The following TLK1 variants were observed in gnomAD, a reference collection of about 807,000 sequenced individuals.
TLK1 encodes tousled like kinase 1.
In TLK1, 24 loss-of-function variants were observed where a neutral mutation model predicts 105.3. That is an observed-to-expected ratio of 0.23 (90% CI 0.17 to 0.32). The LOEUF (loss-of-function observed/expected upper bound fraction) is 0.32, where lower values mean the gene tolerates loss of function less well. Ranked by LOEUF, TLK1 falls within the 10% of genes least tolerant of loss-of-function variation. TLK1 has a pLI of 1.00. For missense variants in TLK1, 558 were observed against 910.5 expected (o/e 0.61, Z 4.98); for synonymous variants, 321 against 310.4 (o/e 1.03, Z -0.36).
chr2:171,178,241 G>T (rs949923119), intron 1 of TLK1, among the ~76,000 whole-genome samples: 1 of 152,126 alleles, frequency 6.6e-6, no homozygotes, highest in African/African-American at 2.4e-5. Context: ...AGGTTTAGAG[G>T]GATTAGGGAG....
In TLK1 at chr2:171,010,231, G is replaced by A. The variant is rs116612679; in HGVS notation, c.1416+1142C>T. 7.9e-5 allele frequency among the ~76,000 whole-genome samples: 12 copies of A among 152,198 alleles called. No homozygotes were observed. In the South Asian group the frequency reaches 1.5e-3, roughly 18 times the overall value. ...AGGGGCTTATAATATGTGAGGGGAGGGGAACAAAGGGAAAGGAAGAGCATA... is the reference window on the plus strand; with the variant it reads ...AGGGGCTTATAATATGTGAGGGGAGAGGAACAAAGGGAAAGGAAGAGCATA... On this transcript the variant is annotated intron_variant, in intron 14 of 20. Transcript: ENST00000431350.
intron 1 of TLK1, among the ~76,000 whole-genome samples, chr2:171,184,442 A>G (rs1692985790): frequency 1.3e-5 from 2 of 152,142 alleles, no homozygotes; most frequent in South Asian, 4.1e-4. Flanking sequence ...CGGGAGTTTG[A>G]GACCAGCCTG....
chr2:171,024,238 A>G (rs1160478013), intron 12 of TLK1, among the ~76,000 whole-genome samples: 1 of 152,154 alleles, frequency 6.6e-6, no homozygotes, highest in East Asian at 1.9e-4. Flanking sequence ...CTTAAGATAT[A>G]TTTTAAAATT....
chr2:171,104,205 G>A (rs1689817487), intron 2 of TLK1, among the ~76,000 whole-genome samples: 1 of 151,858 alleles, frequency 6.6e-6, no homozygotes, highest in African/African-American at 2.4e-5. Flanking sequence ...GAACCTGGGA[G>A]GCAGAGGTTG....
intron 13 of TLK1, among the ~76,000 whole-genome samples, chr2:171,012,455 AAT>A (rs1684963652): frequency 6.6e-6 from 1 of 152,172 alleles, no homozygotes; most frequent in Non-Finnish European, 1.5e-5. Flanking sequence ...TCAGCTTTGC[AAT>A]ACTAATACAC....
intron 8 of TLK1, among the ~76,000 whole-genome samples, chr2:171,053,443 A>G (rs982534834): frequency 1.3e-5 from 2 of 151,778 alleles, no homozygotes; most frequent in African/African-American, 4.8e-5. Context: ...GCTCACTGCA[A>G]TCTCCACCTC....
chr2:171,214,338 G>A (rs115780807), intron 1 of TLK1, among the ~76,000 whole-genome samples: 8 of 152,120 alleles, frequency 5.3e-5, no homozygotes, highest in Non-Finnish European at 1.0e-4. Flanking sequence ...CTACAATGGG[G>A]TCTAGATAAG....
chr2:171,114,144 ATTAC>A (rs1287574103), intron 2 of TLK1, among the ~76,000 whole-genome samples: 1 of 152,174 alleles, frequency 6.6e-6, no homozygotes, highest in Non-Finnish European at 1.5e-5. Context: ...TTACTTCATC[ATTAC>A]TTATTATTTT....
At position 171,058,227 on chromosome 2, in the gene TLK1, A is replaced by G. The variant is rs747692293; in HGVS notation, c.407-30T>C. ...AATATAAGAAGCGCATGATGTTAGT[A>G]GGGTAGTGATGGGCATCAAAAAAAT... On this transcript the variant is annotated intron_variant, in intron 4 of 20. Transcript: ENST00000431350. The G allele has an allele frequency of 1.4e-5, 22 of 1,609,892 alleles. No individual in the cohort carries two copies. In the African/African-American group the frequency reaches 2.0e-4, roughly 15 times the overall value.
intron 1 of TLK1, among the ~76,000 whole-genome samples, chr2:171,126,771 T>A (rs1008947566): frequency 6.6e-6 from 1 of 151,946 alleles, no homozygotes. Context: ...CTACTTTTCA[T>A]ATTACACTTG....
At position 171,188,158 on chromosome 2, in the gene TLK1, A is replaced by C. The variant is rs745405431; in HGVS notation, c.-6+42987T>G. Among the ~76,000 whole-genome samples, 63 of 152,382 alleles carry C rather than the reference A, an allele frequency of 4.1e-4. No individual in the cohort carries two copies. The Middle Eastern group carries it at 0.014, about 33-fold the overall frequency. On this transcript the variant is annotated intron_variant, in intron 1 of 20. Transcript: ENST00000521943. ...GGTGAAGAATACCTGGTAAGCTTTTAGCAAAAATATGATCAATTCTAAAGT... is the reference window on the plus strand; with the variant it reads ...GGTGAAGAATACCTGGTAAGCTTTTCGCAAAAATATGATCAATTCTAAAGT...
chr2:171,143,087 A>C (rs1040993496), intron 1 of TLK1, among the ~76,000 whole-genome samples: 1 of 152,178 alleles, frequency 6.6e-6, no homozygotes, highest in Non-Finnish European at 1.5e-5. Context: ...CAATAAATGA[A>C]TGACTGAATG....
intron 3 of TLK1, among the ~76,000 whole-genome samples, chr2:171,082,473 CAT>C (rs1289294594): frequency 6.6e-6 from 1 of 152,170 alleles, no homozygotes; most frequent in African/African-American, 2.4e-5. Context: ...GGAAACCCAA[CAT>C]ACTTAAGAAC....
At position 171,061,138 on chromosome 2, in the gene TLK1, A is replaced by C. The variant is rs779840126; in HGVS notation, c.349T>G (p.Ser117Ala). Residue 117 changes from serine (S) to alanine (A), a missense_variant, in exon 4 of 21, where the codon TCG (serine) becomes GCG (alanine). Physicochemically the swap from Ser to Ala is moderately conservative, Grantham distance 99. Transcript: ENST00000431350. The part of the protein sequence containing the change: ...KESETPEKKQ[S>A]ESSRGRKRKA... ...CTCTTTCTTCCCCTGGATGATTCCG[A>C]TTGTTTCTTCTCCGGTGTCTACAGA... is the stretch of plus-strand genomic sequence containing the variant. 31 of 1,613,404 alleles carry C rather than the reference A, an allele frequency of 1.9e-5. No homozygotes were observed. The highest frequency in any genetic ancestry group is 2.5e-6 in the Non-Finnish European group (3 of 1,179,728).
chr2:171,130,358 C>T (rs1242230650), intron 1 of TLK1, among the ~76,000 whole-genome samples: 2 of 151,514 alleles, frequency 1.3e-5, no homozygotes, highest in Non-Finnish European at 2.9e-5. Context: ...GCCAAGATCG[C>T]ACCACTGCAC....
chr2:171,096,444 C>A (rs1201036374), intron 2 of TLK1, among the ~76,000 whole-genome samples: 2 of 151,614 alleles, frequency 1.3e-5, no homozygotes, highest in African/African-American at 4.8e-5. Flanking sequence ...TTTACAATAG[C>A]ATAAAAAAAA....
At chr2:171,065,534 ATTCT>A (rs926643185) in intron 3 of TLK1, among the ~76,000 whole-genome samples, 21 of 113,496 alleles carry the variant, frequency 1.9e-4, no homozygotes, top group African/African-American at 6.3e-4. Context: ...TTCACTGGCT[ATTCT>A]TTCTTTTTTT....
intron 1 of TLK1, among the ~76,000 whole-genome samples, chr2:171,149,111 T>C (rs1038941572): frequency 3.4e-4 from 49 of 145,818 alleles, no homozygotes; most frequent in African/African-American, 1.1e-3. Context: ...TTTTTTTTTT[T>C]TTTTTTTTTT....
chr2:171,134,610 TTCACTGCA>T (rs1372079993), intron 1 of TLK1, among the ~76,000 whole-genome samples: 3 of 151,964 alleles, frequency 2.0e-5, no homozygotes, highest in Non-Finnish European at 2.9e-5. Context: ...CACTCCCATG[TTCACTGCA>T]GCACTATTCA....
Sources: allele counts gnomAD v4.1 joint callset (sites outside exome capture counted in the v4.1 genomes callset), GRCh38; gene constraint gnomAD v4.1.1; transcripts MANE v1.5; gene names NCBI Gene and HGNC (gene_info 2026-07-23, HGNC 2026-07-21).